NAV2: variants seen among roughly 807,000 people sequenced by gnomAD.
NAV2 encodes the protein neuron navigator 2.
In NAV2, 54 loss-of-function variants were observed where a neutral mutation model predicts 223.2. The observed-to-expected ratio is 0.24, with a 90% CI of 0.19 to 0.30. The LOEUF is 0.30. NAV2 is among the 10% of genes least tolerant of loss of function. The pLI, the probability that NAV2 is intolerant of heterozygous loss-of-function variation, is 1.00. For missense variants in NAV2, 2,806 were observed against 3,147.5 expected (o/e 0.89, Z 2.60); for synonymous variants, 1,279 against 1,239.3 (o/e 1.03, Z -0.67).
At chr11:19,604,581 G>T (rs2046434409) in intron 1 of NAV2, among the ~76,000 whole-genome samples, 1 of 152,124 alleles carries the variant, frequency 6.6e-6, no homozygotes, top group Non-Finnish European at 1.5e-5. Flanking sequence ...CTTGCTTTGT[G>T]CCAGGCAATG....
chr11:19,413,399 A>C (rs1399931413), intron 1 of NAV2, among the ~76,000 whole-genome samples: 1 of 152,208 alleles, frequency 6.6e-6, no homozygotes, highest in Non-Finnish European at 1.5e-5. Flanking sequence ...GGAATGAACA[A>C]ATCCTCCAAG....
At chr11:19,354,601 A>T (rs1046801327) in intron 1 of NAV2, among the ~76,000 whole-genome samples, 2 of 152,242 alleles carry the variant, frequency 1.3e-5, no homozygotes, top group African/African-American at 4.8e-5. Flanking sequence ...CTTTTAATTG[A>T]TGCATAACTT....
At chr11:19,562,393 T>A (rs1054819227) in intron 1 of NAV2, among the ~76,000 whole-genome samples, 22 of 152,280 alleles carry the variant, frequency 1.4e-4, no homozygotes, top group Admixed American at 3.3e-4. Flanking sequence ...TTTTGGGGCA[T>A]CTCTGGGGGC....
intron 1 of NAV2, among the ~76,000 whole-genome samples, chr11:19,743,707 C>G (rs991853944): frequency 2.0e-5 from 3 of 152,238 alleles, no homozygotes; most frequent in African/African-American, 7.2e-5. Flanking sequence ...GTATCTGGAC[C>G]TGGACACAAA....
intron 10 of NAV2, among the ~76,000 whole-genome samples, chr11:19,954,388 G>A (rs768125923): frequency 6.6e-6 from 1 of 152,094 alleles, no homozygotes; most frequent in South Asian, 2.1e-4. Flanking sequence ...AGAAATTGAG[G>A]AACTCATTCA....
At position 20,078,026 on chromosome 11, in the gene NAV2, G is replaced by C. The variant is rs1262857898; in HGVS notation, c.5101G>C (p.Glu1701Gln). 8.7e-6 allele frequency: 14 copies of C among 1,613,128 alleles called. No individual in the cohort carries two copies. The highest frequency in any genetic ancestry group is 1.6e-4 in the Middle Eastern group (1 of 6,084). ...ACTGAATGAGTTAAGAAAAACCATT[G>C]AGCTGCTAAAGAAACAGAACGCAGC... The part of the protein sequence containing the change: ...SELNELRKTI[E>Q]LLKKQNAAAQ... The change falls in exon 24 of 38, where the codon GAG becomes CAG. Residue 1701 changes from glutamate (E) to glutamine (Q), a missense_variant. Transcript: ENST00000349880.
At position 20,114,690 on chromosome 11, in the gene NAV2, G is replaced by T; in HGVS notation, c.7059G>T (p.Leu2353=). 1 of 1,614,188 alleles carries T rather than the reference G, an allele frequency of 6.2e-7. No individual in the cohort carries two copies. Among genetic ancestry groups the T allele is most frequent in the Non-Finnish European group, 8.5e-7 (1 of 1,180,034 alleles). Residue 2353 remains leucine, a synonymous_variant, in exon 37 of 38, where the codon CTG becomes CTT. Transcript: ENST00000349880. ...ASPQQHEWPP[L]LQLRPEDVGF... ...CACAACAGCACGAGTGGCCTCCCCT[G>T]CTGCAGTTACGGCCTGAGGATGTCG...
intron 1 of NAV2, among the ~76,000 whole-genome samples, chr11:19,667,923 T>G (rs1038478710): frequency 2.6e-5 from 4 of 152,128 alleles, no homozygotes; most frequent in Admixed American, 2.0e-4. Flanking sequence ...CATCTCAAGG[T>G]GTTTGTTTCC....
Position 19,787,268 on chromosome 11 carries a change from ATCT to A in NAV2, c.268-45214_268-45212del, listed in dbSNP as rs1565315833. Among the ~76,000 whole-genome samples the A allele has an allele frequency of 2.7e-4, 8 of 29,404 alleles. 1 individual carries two copies. The highest frequency in any genetic ancestry group is 4.1e-4 in the Admixed American group (1 of 2,428). The allele number at this position is 29,404 out of a possible 152,430, so 19.3% of individuals were successfully genotyped here. A position where few individuals can be genotyped will look rare whatever the true frequency, so the allele number is the denominator to read the frequency against. On this transcript the variant is annotated intron_variant, in intron 1 of 37. Coordinates refer to ENST00000349880, the MANE Select transcript of NAV2 (RefSeq NM_145117.5). ...AACATGCCTGGCTAATTTTTATTGG[ATCT>A]TTTTTTTTTTTTTTTTTTTTTTTTT...
intron 10 of NAV2, among the ~76,000 whole-genome samples, chr11:19,964,513 A>G (rs2048597125): frequency 7.4e-6 from 1 of 135,788 alleles, no homozygotes; most frequent in African/African-American, 3.5e-5. Flanking sequence ...TTTTTATGAG[A>G]CAGGAGCTTA....
At chr11:20,033,686 C>T (rs1359169347) in intron 11 of NAV2, among the ~76,000 whole-genome samples, 3 of 152,144 alleles carry the variant, frequency 2.0e-5, no homozygotes, top group Non-Finnish European at 4.4e-5. Flanking sequence ...GTTTTGGAAG[C>T]CAAATAGTGT....
chr11:19,751,993 C>T (rs1238240958), intron 1 of NAV2, among the ~76,000 whole-genome samples: 2 of 152,198 alleles, frequency 1.3e-5, no homozygotes, highest in Non-Finnish European at 2.9e-5. Flanking sequence ...CTAAAACCAT[C>T]TTCTTTCCAC....
At chr11:20,023,030 G>A (rs2054646359) in intron 11 of NAV2, 4 of 1,544,414 alleles carry the variant, frequency 2.6e-6, no homozygotes, top group Non-Finnish European at 3.5e-6. Flanking sequence ...TGGCTCAGCT[G>A]GCTAAAGGAC....
intron 6 of NAV2, chr11:19,931,886 T>G (rs937313309): frequency 5.3e-5 from 8 of 152,076 alleles, no homozygotes; most frequent in Admixed American, 3.9e-4. Flanking sequence ...GCATGGGGTG[T>G]GGGTGGGTGC....
At chr11:19,528,789 G>A (rs954794338) in intron 1 of NAV2, among the ~76,000 whole-genome samples, 16 of 151,994 alleles carry the variant, frequency 1.1e-4, no homozygotes, top group African/African-American at 3.9e-4. Context: ...AATTAGCCTG[G>A]TGTGATGATG....
chr11:19,923,045 T>C (rs2044413797), intron 6 of NAV2, among the ~76,000 whole-genome samples: 1 of 152,228 alleles, frequency 6.6e-6, no homozygotes, highest in African/African-American at 2.4e-5. Flanking sequence ...AGGTATACCT[T>C]ATGGGTGTTT....
intron 1 of NAV2, among the ~76,000 whole-genome samples, chr11:19,769,534 G>A (rs1395696550): frequency 1.3e-5 from 2 of 152,140 alleles, no homozygotes; most frequent in African/African-American, 4.8e-5. Flanking sequence ...CAGACCCAGA[G>A]TGCCAGCATC....
intron 1 of NAV2, among the ~76,000 whole-genome samples, chr11:19,386,753 T>G (rs561431096): frequency 6.6e-6 from 1 of 152,244 alleles, no homozygotes; most frequent in African/African-American, 2.4e-5. Flanking sequence ...AACAAGCCCC[T>G]TATCTCTGTG....
At chr11:19,538,429 C>G (rs1239181886) in intron 1 of NAV2, among the ~76,000 whole-genome samples, 3 of 152,156 alleles carry the variant, frequency 2.0e-5, no homozygotes, top group African/African-American at 7.2e-5. Context: ...CAGCCTGGAC[C>G]TCGTAGGTTC....
Sources: allele counts gnomAD v4.1 joint callset (sites outside exome capture counted in the v4.1 genomes callset), GRCh38; gene constraint gnomAD v4.1.1; transcripts MANE v1.5; gene names NCBI Gene and HGNC (gene_info 2026-07-23, HGNC 2026-07-21).